Variants in RGL1 observed in about 807,000 individuals in gnomAD.
The protein encoded by RGL1 is ral guanine nucleotide dissociation stimulator like 1.
RGL1 carries 24 observed loss-of-function variants against 95.2 expected under a neutral mutation model. The observed-to-expected ratio is 0.25, with a 90% CI of 0.18 to 0.35. The LOEUF (loss-of-function observed/expected upper bound fraction) is 0.35. Among genes scored for constraint, RGL1 ranks in the 10% least tolerant of loss-of-function variants. RGL1 has a pLI of 1.00. For missense variants in RGL1, 715 were observed against 936.3 expected, an observed-to-expected ratio of 0.76 and a Z score of 3.08; for synonymous variants, 329 against 344.9, an observed-to-expected ratio of 0.95 and a Z score of 0.51.
At chr1:183,723,188 A>G (rs1656112457) in intron 1 of RGL1, among the ~76,000 whole-genome samples, 1 of 152,226 alleles carries the variant, frequency 6.6e-6, no homozygotes, top group East Asian at 1.9e-4. Context: ...AAGTATAGCC[A>G]ATAAACCAAT....
intron 1 of RGL1, among the ~76,000 whole-genome samples, chr1:183,721,569 C>T (rs554678884): frequency 1.3e-5 from 2 of 152,322 alleles, no homozygotes; most frequent in East Asian, 1.9e-4. Flanking sequence ...CTCTGCATAC[C>T]TCACCAATCT....
intron 1 of RGL1, among the ~76,000 whole-genome samples, chr1:183,705,605 A>T (rs1465008147): frequency 1.3e-5 from 2 of 152,170 alleles, no homozygotes; most frequent in Non-Finnish European, 2.9e-5. Context: ...TGTAAAGACA[A>T]AGAGGTTTTG....
rs541185562 is a variant in RGL1, at chr1:183,772,521, C to T, written c.132+30232C>T. The stretch of plus-strand genomic sequence containing the variant: ...TGTCTGGGAAAGTTAGTAGTTCTTC[C>T]TACAGTAGTAGAAATTGAAAAACCT... On this transcript the variant is annotated intron_variant, in intron 2 of 18. Coordinates refer to the RGL1 transcript ENST00000304685. 3.9e-4 allele frequency among the ~76,000 whole-genome samples: 60 copies of T among 152,194 alleles called. 1 individual carries two copies. The highest frequency in any genetic ancestry group is 1.4e-3 in the African/African-American group (59 of 41,518).
intron 3 of RGL1, among the ~76,000 whole-genome samples, chr1:183,856,086 A>G (rs1359672968): frequency 1.3e-5 from 2 of 152,142 alleles, no homozygotes. Flanking sequence ...GGAAATCTTA[A>G]CATTGCTTTG....
At chr1:183,897,752 T>A in intron 9 of RGL1, 56 bp from the exon 10 acceptor site, 3 of 1,336,364 alleles carry the variant, frequency 2.2e-6, no homozygotes, top group Non-Finnish European at 3.2e-6. Context: ...CCTCTTTACT[T>A]CTTACCATTG....
chr1:183,808,993 A>AC (rs1661523811), intron 2 of RGL1, among the ~76,000 whole-genome samples: 1 of 152,184 alleles, frequency 6.6e-6, no homozygotes, highest in African/African-American at 2.4e-5. Flanking sequence ...AAGACTGGAG[A>AC]GATGTAACTT....
intron 1 of RGL1, among the ~76,000 whole-genome samples, chr1:183,739,867 A>C (rs2102251299): frequency 6.6e-6 from 1 of 152,306 alleles, no homozygotes. Context: ...ACTTTCACCC[A>C]CACTGTGGAG....
chr1:183,663,345 T>A (rs1163079780), intron 1 of RGL1, among the ~76,000 whole-genome samples: 2 of 151,140 alleles, frequency 1.3e-5, no homozygotes, highest in Non-Finnish European at 2.9e-5. Flanking sequence ...GAATCTACAA[T>A]GAACTCAAAC....
intron 1 of RGL1, among the ~76,000 whole-genome samples, chr1:183,665,433 A>AAATG (rs1651965348): frequency 6.6e-6 from 1 of 152,188 alleles, no homozygotes; most frequent in Non-Finnish European, 1.5e-5. Context: ...ACTTGCTTCT[A>AAATG]TCTTCTGAAA....
In RGL1 at chr1:183,798,335, A is replaced by C. The variant is rs373426354; in HGVS notation, c.133-8040A>C. Among the ~76,000 whole-genome samples, 7 of 152,284 alleles carry C rather than the reference A, an allele frequency of 4.6e-5. No homozygotes were observed. In the East Asian group the frequency reaches 7.7e-4, roughly 17 times the overall value. On this transcript the variant is annotated intron_variant, in intron 2 of 18. Transcript: ENST00000304685. ...TGTTGATATTGCCATCTTCAAGGCA[A>C]GTTTTTTTAAAAAACAACTTTATTG...
At position 183,836,114 on chromosome 1, in the gene RGL1, A is replaced by G. The variant is rs74678825; in HGVS notation, c.139-11452A>G. On this transcript the variant is annotated intron_variant, in intron 2 of 17. Coordinates refer to ENST00000360851, the MANE Select transcript of RGL1 (RefSeq NM_001297671.3). ...GGGTTGTTGTAAGGGTTGAGCATCT[A>G]ATCCATAATGTGCACTCAGTAAATA... Among the ~76,000 whole-genome samples, 1,114 of 152,350 alleles carry G rather than the reference A, an allele frequency of 7.3e-3. 24 individuals carry two copies. The highest frequency in any genetic ancestry group is 0.026 in the African/African-American group (1,072 of 41,580).
intron 1 of RGL1, among the ~76,000 whole-genome samples, chr1:183,701,442 A>G (rs1926839): frequency 0.47 from 72,070 of 151,852 alleles, 17,736 homozygotes; most frequent in East Asian, 0.76. Flanking sequence ...ATGGGAATGG[A>G]GAGGTAGAGT....
intron 2 of RGL1, among the ~76,000 whole-genome samples, chr1:183,820,485 C>CATGTG (rs1662398866): frequency 6.6e-6 from 1 of 152,128 alleles, no homozygotes; most frequent in Non-Finnish European, 1.5e-5. Context: ...ACCCTGATAG[C>CATGTG]ACCATATGAG....
intron 1 of RGL1, among the ~76,000 whole-genome samples, chr1:183,654,720 A>G (rs1282801019): frequency 6.6e-6 from 1 of 152,218 alleles, no homozygotes; most frequent in African/African-American, 2.4e-5. Flanking sequence ...TGATATACCT[A>G]TGGAAGGTTA....
At chr1:183,847,466 G>A (rs1664517997) in intron 2 of RGL1, 100 bp from the exon 3 acceptor site, 2 of 955,332 alleles carry the variant, frequency 2.1e-6, no homozygotes, top group South Asian at 1.5e-5. Flanking sequence ...ATAAGAATGA[G>A]AGGAAACATA....
intron 1 of RGL1, among the ~76,000 whole-genome samples, chr1:183,656,282 G>A (rs886557059): frequency 1.3e-5 from 2 of 152,172 alleles, no homozygotes; most frequent in African/African-American, 4.8e-5. Context: ...GATGGTAACA[G>A]AGTGACCTCA....
chr1:183,755,957 C>T (rs1658308139), intron 2 of RGL1, among the ~76,000 whole-genome samples: 1 of 150,144 alleles, frequency 6.7e-6, no homozygotes, highest in Admixed American at 6.6e-5. Flanking sequence ...AATCTCGGCT[C>T]ACTGCAACCT....
chr1:183,765,078 G>A (rs74975742), intron 2 of RGL1, among the ~76,000 whole-genome samples: 2,194 of 152,210 alleles, frequency 0.014, 43 homozygotes, highest in East Asian at 0.088. Context: ...AGAACTTGTG[G>A]TTCCTGGGCC....
intron 2 of RGL1, among the ~76,000 whole-genome samples, chr1:183,795,737 T>C (rs927270298): frequency 6.6e-6 from 1 of 152,230 alleles, no homozygotes; most frequent in Non-Finnish European, 1.5e-5. Flanking sequence ...AGAAGATCAC[T>C]GTGGTCACTG....
Sources: allele counts gnomAD v4.1 joint callset (sites outside exome capture counted in the v4.1 genomes callset), GRCh38; gene constraint gnomAD v4.1.1; transcripts MANE v1.5; gene names NCBI Gene and HGNC (gene_info 2026-07-23, HGNC 2026-07-21).